Variants in ERC2 observed in about 807,000 individuals in gnomAD.
The protein encoded by ERC2 is ELKS/RAB6-interacting/CAST family member 2.
ERC2 carries 42 observed loss-of-function variants against 114.8 expected under a neutral mutation model. The ratio of observed to expected loss-of-function variants is 0.37; its 90% CI spans 0.29 to 0.47. The LOEUF (loss-of-function observed/expected upper bound fraction) is 0.47, where lower values mean the gene tolerates loss of function less well. Ranked by LOEUF, ERC2 falls within the 20% of genes least tolerant of loss-of-function variation. ERC2 has a pLI of 0.99. For missense variants in ERC2, 939 were observed against 1,150.7 expected, an observed-to-expected ratio of 0.82 and a Z score of 2.66; for synonymous variants, 454 against 425.5, an observed-to-expected ratio of 1.07 and a Z score of -0.82.
intron 17 of ERC2, among the ~76,000 whole-genome samples, chr3:55,515,210 T>C (rs917250108): frequency 6.6e-6 from 1 of 152,212 alleles, no homozygotes; most frequent in Non-Finnish European, 1.5e-5. Flanking sequence ...TCCACAACTT[T>C]TCAGTGGAAA....
chr3:55,862,640 G>A (rs1041691462), intron 14 of ERC2, among the ~76,000 whole-genome samples: 2 of 152,064 alleles, frequency 1.3e-5, no homozygotes, highest in Admixed American at 6.5e-5. Context: ...ATTTCTCTTT[G>A]GCCTAGAAGA....
chr3:55,542,000 T>C (rs1305029492), intron 17 of ERC2, among the ~76,000 whole-genome samples: 1 of 152,206 alleles, frequency 6.6e-6, no homozygotes, highest in South Asian at 2.1e-4. Context: ...AGCAATGACA[T>C]ATAGCATCTT....
intron 3 of ERC2, among the ~76,000 whole-genome samples, chr3:56,227,018 C>T: frequency 6.6e-6 from 1 of 152,166 alleles, no homozygotes; most frequent in South Asian, 2.1e-4. Context: ...ACCTCCACCT[C>T]AGTGTGCTCT....
chr3:56,311,798 G>A (rs2056595996), intron 2 of ERC2, among the ~76,000 whole-genome samples: 1 of 148,784 alleles, frequency 6.7e-6, no homozygotes, highest in Admixed American at 6.8e-5. Flanking sequence ...AATCCTGCCA[G>A]GTTAAATTAT....
chr3:56,142,928 C>A (rs1358233272), intron 5 of ERC2, among the ~76,000 whole-genome samples: 1 of 151,906 alleles, frequency 6.6e-6, no homozygotes, highest in African/African-American at 2.4e-5. Context: ...GGGGACACTA[C>A]CAACCAAGAA....
At position 55,784,655 on chromosome 3, in the gene ERC2, A is replaced by T. The variant is rs531809358; in HGVS notation, c.2565-49737T>A. ...TTTGTCATCTACTAATCCCACACCC[A>T]CCCCATTTTTCTAGGTTTTGTGTAT... On this transcript the variant is annotated intron_variant, in intron 14 of 17. Coordinates refer to ENST00000288221, the MANE Select transcript of ERC2 (RefSeq NM_015576.3). 2.6e-5 allele frequency among the ~76,000 whole-genome samples: 4 copies of T among 152,108 alleles called. No homozygotes were observed. The South Asian group carries it at 8.3e-4, about 32-fold the overall frequency.
chr3:56,370,587 G>GTTTTTTTTTTTTTTTTTTTTTTTTTT (rs1404693067), intron 2 of ERC2, among the ~76,000 whole-genome samples: 1 of 138,398 alleles, frequency 7.2e-6, no homozygotes, highest in African/African-American at 2.7e-5. Context: ...TTTGGTGGGG[G>GTTTTTTTTTTTTTTTTTTTTTTTTTT]TTTTTTTGTT....
At chr3:55,803,347 C>T (rs1452555924) in intron 14 of ERC2, among the ~76,000 whole-genome samples, 4 of 151,974 alleles carry the variant, frequency 2.6e-5, no homozygotes, top group Admixed American at 6.6e-5. Flanking sequence ...TTAAACATAA[C>T]GATGAAAATT....
At chr3:56,067,010 TA>T (rs950091346) in intron 7 of ERC2, among the ~76,000 whole-genome samples, 1 of 152,194 alleles carries the variant, frequency 6.6e-6, no homozygotes, top group African/African-American at 2.4e-5. Flanking sequence ...TCTTTTTGCT[TA>T]GGATTGTCTT....
chr3:56,355,487 T>G lies in ERC2; in HGVS notation c.658-59052A>C, dbSNP rs944801846. 2.0e-5 allele frequency among the ~76,000 whole-genome samples: 3 copies of G among 152,100 alleles called. No homozygotes were observed. In the South Asian group the frequency reaches 6.2e-4, roughly 32 times the overall value. The stretch of plus-strand genomic sequence containing the variant: ...GCATGCACATCATGCTCGGATAATT[T>G]TTTTTGTAAAGACAGGATCTTCCCA... On this transcript the variant is annotated intron_variant, in intron 2 of 17. Transcript: ENST00000288221.
At chr3:55,962,508 C>T (rs543014277) in intron 12 of ERC2, among the ~76,000 whole-genome samples, 2 of 152,312 alleles carry the variant, frequency 1.3e-5, no homozygotes, top group African/African-American at 2.4e-5. Context: ...TCAGATTTGG[C>T]CTGTGGGCCT....
intron 2 of ERC2, among the ~76,000 whole-genome samples, chr3:56,397,010 G>A (rs940187423): frequency 1.3e-5 from 2 of 152,038 alleles, no homozygotes; most frequent in Non-Finnish European, 2.9e-5. Context: ...CCCTGTTAGG[G>A]CACAAGCTCC....
At chr3:55,653,335 C>A (rs115298780) in intron 17 of ERC2, among the ~76,000 whole-genome samples, 69 of 152,248 alleles carry the variant, frequency 4.5e-4, no homozygotes, top group African/African-American at 1.7e-3. Context: ...AAAGATTACT[C>A]TTACTTGCAA....
chr3:56,074,227 C>T (rs889842765), intron 7 of ERC2, among the ~76,000 whole-genome samples: 4 of 152,086 alleles, frequency 2.6e-5, no homozygotes, highest in African/African-American at 9.7e-5. Context: ...TTTCCTGCCA[C>T]GTCACTCTGA....
chr3:55,907,290 C>A (rs1221524938), intron 13 of ERC2, among the ~76,000 whole-genome samples: 1 of 152,146 alleles, frequency 6.6e-6, no homozygotes, highest in African/African-American at 2.4e-5. Flanking sequence ...AGTTCAAATC[C>A]CGGCCACTTG....
At chr3:56,103,044 C>T (rs1045006036) in intron 6 of ERC2, among the ~76,000 whole-genome samples, 1 of 151,850 alleles carries the variant, frequency 6.6e-6, no homozygotes, top group Non-Finnish European at 1.5e-5. Flanking sequence ...ATGTTGGTTA[C>T]CTGTTAAAAT....
At chr3:56,403,037 C>G (rs914817167) in intron 2 of ERC2, among the ~76,000 whole-genome samples, 3 of 152,124 alleles carry the variant, frequency 2.0e-5, no homozygotes, top group Non-Finnish European at 4.4e-5. Context: ...GCCACTTGTC[C>G]TTGGGGAAGC....
chr3:55,889,769 A>G (rs1443989209), intron 13 of ERC2, among the ~76,000 whole-genome samples: 1 of 152,222 alleles, frequency 6.6e-6, no homozygotes, highest in Admixed American at 6.5e-5. Context: ...ACTTGGCAGA[A>G]TAGGCTCATC....
chr3:55,589,215 C>CAAA (rs5849104), intron 17 of ERC2, among the ~76,000 whole-genome samples: 35 of 99,700 alleles, frequency 3.5e-4, no homozygotes, highest in Non-Finnish European at 4.4e-4. Flanking sequence ...CAGTCACTAC[C>CAAA]AAAAAAAAAA....
Sources: gnomAD v4.1 joint callset for allele counts (sites outside exome capture counted in the v4.1 genomes callset) on GRCh38, gnomAD v4.1.1 for gene constraint, MANE v1.5 for transcripts, NCBI Gene and HGNC (gene_info 2026-07-23, HGNC 2026-07-21) for gene names.